The following ADGRL2 variants were observed in gnomAD, a reference collection of about 807,000 sequenced individuals.
ADGRL2 encodes adhesion G protein-coupled receptor L2, also known as calcium-independent alpha-latrotoxin receptor 2.
ADGRL2 carries 44 observed loss-of-function variants against 157.4 expected under a neutral mutation model. The ratio of observed to expected loss-of-function variants is 0.28; its 90% CI spans 0.22 to 0.36. The LOEUF is 0.36. Ranked by LOEUF, ADGRL2 falls within the 10% of genes least tolerant of loss-of-function variation. ADGRL2 has a pLI of 1.00. For synonymous variants in ADGRL2, 585 were observed against 624.7 expected (o/e 0.94, Z 0.95); for missense variants, 1,510 against 1,768.9 (o/e 0.85, Z 2.63).
chr1:81,340,423 G>A (rs1328064099), intron 1 of ADGRL2, among the ~76,000 whole-genome samples: 5 of 151,958 alleles, frequency 3.3e-5, no homozygotes, highest in South Asian at 2.1e-4. Context: ...CAGTGCTTCC[G>A]GTACAGAAGC....
At chr1:81,756,313 T>G (rs886471189) in intron 1 of ADGRL2, among the ~76,000 whole-genome samples, 1 of 125,574 alleles carries the variant, frequency 8.0e-6, no homozygotes, top group African/African-American at 3.2e-5. Context: ...TCTATTCTTC[T>G]TTTATCATTC....
chr1:81,426,383 T>G (rs888638082), intron 1 of ADGRL2: 1 of 299,108 alleles, frequency 3.3e-6, no homozygotes, highest in Non-Finnish European at 6.5e-6. Context: ...TTCTATGGTT[T>G]TCTCAATTTC....
exon 1 of ADGRL2, chr1:81,306,230 T>C (rs987958247): frequency 6.6e-6 from 1 of 152,222 alleles, no homozygotes; most frequent in Non-Finnish European, 1.5e-5. Flanking sequence ...TTTGCCATTG[T>C]GCCAGCTCAA....
chr1:81,945,202 T>C (rs920125306), intron 6 of ADGRL2, among the ~76,000 whole-genome samples: 1 of 152,090 alleles, frequency 6.6e-6, no homozygotes, highest in Non-Finnish European at 1.5e-5. Flanking sequence ...GTTTGTTTCA[T>C]CTATTTCAAT....
At chr1:81,636,627 C>T (rs2082120088) in intron 3 of ADGRL2, among the ~76,000 whole-genome samples, 2 of 152,036 alleles carry the variant, frequency 1.3e-5, no homozygotes, top group South Asian at 4.2e-4. Flanking sequence ...CATTTTCTGG[C>T]CCAGTTTTCC....
chr1:81,623,934 T>C (rs917261888), intron 3 of ADGRL2, among the ~76,000 whole-genome samples: 9 of 151,984 alleles, frequency 5.9e-5, no homozygotes, highest in Non-Finnish European at 1.3e-4. Flanking sequence ...CACACCCAGC[T>C]GATATCTTTC....
At chr1:81,838,467 G>C (rs372706637) in intron 2 of ADGRL2, among the ~76,000 whole-genome samples, 32 of 152,120 alleles carry the variant, frequency 2.1e-4, no homozygotes, top group Non-Finnish European at 3.7e-4. Flanking sequence ...TATGTAATCT[G>C]TGTGAATGAA....
intron 3 of ADGRL2, among the ~76,000 whole-genome samples, chr1:81,626,823 A>G (rs1039043790): frequency 3.3e-5 from 5 of 152,182 alleles, no homozygotes; most frequent in Non-Finnish European, 5.9e-5. Flanking sequence ...ATGTGTGTAT[A>G]AAAGCATTTG....
chr1:81,351,663 G>A (rs959022802), intron 1 of ADGRL2, among the ~76,000 whole-genome samples: 9 of 152,102 alleles, frequency 5.9e-5, no homozygotes, highest in African/African-American at 2.2e-4. Flanking sequence ...GTATGTGGAA[G>A]GAGGTTTGAA....
intron 4 of ADGRL2, among the ~76,000 whole-genome samples, chr1:81,939,699 T>C (rs1180916486): frequency 2.0e-5 from 3 of 151,482 alleles, no homozygotes; most frequent in African/African-American, 7.3e-5. Flanking sequence ...TGTTAATTCA[T>C]ACGGCTCTTA....
At position 81,381,897 on chromosome 1, in the gene ADGRL2, T is replaced by C. The variant is rs547611656; in HGVS notation, c.-301-63139T>C. ...CTGTTCCATAACCCCACTCACCTTCTTTTATCCTATATAAAAACAATTAAG... is the reference window on the plus strand; with the variant it reads ...CTGTTCCATAACCCCACTCACCTTCCTTTATCCTATATAAAAACAATTAAG... On this transcript the variant is annotated intron_variant, in intron 1 of 24. Coordinates refer to the ADGRL2 transcript ENST00000370721. Among the ~76,000 whole-genome samples, 3 of 152,300 alleles carry C rather than the reference T, an allele frequency of 2.0e-5. No individual in the cohort carries two copies. In the East Asian group the frequency reaches 5.8e-4, roughly 29 times the overall value.
chr1:81,793,612 T>C (rs906608513), intron 2 of ADGRL2, among the ~76,000 whole-genome samples: 4 of 152,084 alleles, frequency 2.6e-5, no homozygotes, highest in Non-Finnish European at 4.4e-5. Flanking sequence ...TGATAAGCTG[T>C]AAATATTCTT....
intron 3 of ADGRL2, among the ~76,000 whole-genome samples, chr1:81,594,233 G>A (rs2081188116): frequency 6.6e-6 from 1 of 152,078 alleles, no homozygotes; most frequent in Non-Finnish European, 1.5e-5. Context: ...AAGCAAATAG[G>A]AATCAAGCAA....
intron 1 of ADGRL2, among the ~76,000 whole-genome samples, chr1:81,738,420 G>A (rs1386092462): frequency 1.3e-5 from 2 of 152,134 alleles, no homozygotes; most frequent in East Asian, 3.9e-4. Flanking sequence ...AAGCAGCAGA[G>A]GGAAAAATGA....
chr1:81,642,908 C>G (rs984321319), intron 3 of ADGRL2, among the ~76,000 whole-genome samples: 1 of 151,982 alleles, frequency 6.6e-6, no homozygotes, highest in African/African-American at 2.4e-5. Flanking sequence ...CTCAGTAAAC[C>G]AGATATAGAT....
Position 81,378,134 on chromosome 1 carries a change from G to A in ADGRL2, c.-301-66902G>A, listed in dbSNP as rs577389078. Reference sequence around the variant, plus strand: ...GCAGAGGTTGCAGCGAGCCGAGATCGTGCCACTGCACTCCATCTTGGCAAT... The same window carrying A: ...GCAGAGGTTGCAGCGAGCCGAGATCATGCCACTGCACTCCATCTTGGCAAT... On this transcript the variant is annotated intron_variant, in intron 1 of 24. Coordinates refer to the ADGRL2 transcript ENST00000370721. Among the ~76,000 whole-genome samples, 5 of 151,770 alleles carry A rather than the reference G, an allele frequency of 3.3e-5. No homozygotes were observed. In the East Asian group the frequency reaches 5.9e-4, roughly 18 times the overall value.
intron 2 of ADGRL2, among the ~76,000 whole-genome samples, chr1:81,865,592 C>T (rs709709): frequency 0.13 from 19,035 of 152,018 alleles, 1,296 homozygotes; most frequent in Admixed American, 0.21. Context: ...AGTTTTGAGC[C>T]GATGGTACAT....
intron 1 of ADGRL2, among the ~76,000 whole-genome samples, chr1:81,824,686 AG>A (rs1473403985): frequency 6.6e-6 from 1 of 152,154 alleles, no homozygotes; most frequent in African/African-American, 2.4e-5. Flanking sequence ...GAATCTGGAG[AG>A]GGAGAGGTTA....
chr1:81,943,450 A>G lies in ADGRL2; in HGVS notation c.891A>G (p.Pro297=). 6.2e-7 allele frequency: 1 copy of G among 1,613,764 alleles called. No homozygotes were observed. Among genetic ancestry groups the G allele is most frequent in the Non-Finnish European group, 8.5e-7 (1 of 1,179,766 alleles). ...TGATAGTTATTAGCCAGCTGAATCC[A>G]TACACTCTTCGATTTGAAGCAACGT... ...NGMIVISQLN[P]YTLRFEATWE... is the part of the protein sequence containing the mutation. Residue 297 remains proline (P), a synonymous_variant, in exon 6 of 24, where the codon CCA becomes CCG. Coordinates refer to ENST00000686636, the MANE Select transcript of ADGRL2 (RefSeq NM_001366006.2). The surrounding 1 kb of genome is among the most constrained non-coding windows in gnomAD (Gnocchi z 5.6).
Sources: gnomAD v4.1 joint callset for allele counts (sites outside exome capture counted in the v4.1 genomes callset) on GRCh38, gnomAD v4.1.1 for gene constraint, Gnocchi (gnomAD v3.1) non-coding constraint, MANE v1.5 for transcripts, NCBI Gene and HGNC (gene_info 2026-07-23, HGNC 2026-07-21) for gene names.